Variants in LMF1 observed in about 807,000 individuals in gnomAD.
The protein encoded by LMF1 is lipase maturation factor 1.
In LMF1, 68 loss-of-function variants were observed where a neutral mutation model predicts 60.6. The ratio of observed to expected loss-of-function variants is 1.12; its 90% CI spans 0.92 to 1.37. The LOEUF (loss-of-function observed/expected upper bound fraction) is 1.37, where lower values mean the gene tolerates loss of function less well. LMF1 is among the 40% of genes most tolerant of loss of function. LMF1 has a pLI of 0.00. For synonymous variants in LMF1, 418 were observed against 324.7 expected, an observed-to-expected ratio of 1.29 and a Z score of -3.09; for missense variants, 948 against 767.2, an observed-to-expected ratio of 1.24 and a Z score of -2.78.
chr16:960,360 CAG>C (rs1333081924), intron 1 of LMF1, among the ~76,000 whole-genome samples: 2 of 104,450 alleles, frequency 1.9e-5, no homozygotes, highest in African/African-American at 4.2e-5. Flanking sequence ...GATCACGACC[CAG>C]ACACAGACTC....
At chr16:901,636 G>C (rs572070491) in intron 4 of LMF1, 1 of 152,276 alleles carries the variant, frequency 6.6e-6, no homozygotes, top group Non-Finnish European at 1.5e-5. Context: ...AAACCTGGCC[G>C]AAACACGGGG....
intron 10 of LMF1, among the ~76,000 whole-genome samples, chr16:864,455 A>C (rs980050394): frequency 3.3e-5 from 5 of 152,174 alleles, no homozygotes; most frequent in African/African-American, 9.7e-5. Flanking sequence ...TGACATATTC[A>C]ACACTGTATT....
chr16:864,971 A>G (rs2069572488), intron 10 of LMF1, among the ~76,000 whole-genome samples: 2 of 152,172 alleles, frequency 1.3e-5, no homozygotes, highest in African/African-American at 4.8e-5. Flanking sequence ...TTGAATATAC[A>G]GTCGGTCATT....
At chr16:866,239 ACTT>A (rs1219049233) in intron 10 of LMF1, among the ~76,000 whole-genome samples, 1 of 152,110 alleles carries the variant, frequency 6.6e-6, no homozygotes, top group Non-Finnish European at 1.5e-5. Context: ...GCTTTAGATG[ACTT>A]CTTCTGACCT....
intron 2 of LMF1, among the ~76,000 whole-genome samples, chr16:948,613 CAG>C (rs1241373316): frequency 6.7e-6 from 1 of 150,370 alleles, no homozygotes; most frequent in African/African-American, 2.4e-5. Flanking sequence ...AAGACAATGA[CAG>C]AGTCAGCCAA....
At chr16:944,385 T>C (rs1223854072) in intron 2 of LMF1, among the ~76,000 whole-genome samples, 1 of 152,240 alleles carries the variant, frequency 6.6e-6, no homozygotes, top group Non-Finnish European at 1.5e-5. Context: ...ATGTCTGTGT[T>C]AGCTCCTTTA....
intron 3 of LMF1, among the ~76,000 whole-genome samples, chr16:918,759 T>A (rs897921765): frequency 3.2e-5 from 3 of 92,406 alleles, no homozygotes; most frequent in African/African-American, 1.7e-4. Context: ...TTAACTTTGG[T>A]TCACTTGGAT....
intron 10 of LMF1, among the ~76,000 whole-genome samples, chr16:867,401 T>C (rs2069639640): frequency 6.6e-6 from 1 of 152,192 alleles, no homozygotes; most frequent in Admixed American, 6.5e-5. Flanking sequence ...CAAACCTTCC[T>C]CTGGGCCAGC....
At position 896,570 on chromosome 16, in the gene LMF1, G is replaced by A. The variant is rs187218813; in HGVS notation, c.664-3498C>T. Among the ~76,000 whole-genome samples, 251 of 152,278 alleles carry A rather than the reference G, an allele frequency of 1.6e-3. 3 individuals carry two copies. The highest frequency in any genetic ancestry group is 5.0e-3 in the African/African-American group (209 of 41,554). ...TCTGCAAACAGGCATGAAAACAGCC[G>A]AGGGTGTCCAGCTGACCGGGCGGAG... On this transcript the variant is annotated intron_variant, in intron 4 of 10. Transcript: ENST00000262301.
intron 2 of LMF1, among the ~76,000 whole-genome samples, chr16:939,439 C>T (rs544840651): frequency 1.1e-4 from 17 of 152,362 alleles, no homozygotes; most frequent in African/African-American, 4.1e-4. Flanking sequence ...GAACAACCAA[C>T]GTGCCGGCCG....
At chr16:885,253 G>T (rs1225126649) in intron 5 of LMF1, among the ~76,000 whole-genome samples, 1 of 152,094 alleles carries the variant, frequency 6.6e-6, no homozygotes, top group Non-Finnish European at 1.5e-5. Context: ...TTACAGCCAA[G>T]AAAGAAAATA....
intron 1 of LMF1, among the ~76,000 whole-genome samples, chr16:956,013 T>G (rs1414088232): frequency 7.5e-4 from 97 of 128,488 alleles, no homozygotes; most frequent in Non-Finnish European, 1.2e-3. Context: ...CCACGACGGC[T>G]CTCTCACATC....
At chr16:880,005 G>A (rs1002042215) in intron 5 of LMF1, among the ~76,000 whole-genome samples, 1 of 152,226 alleles carries the variant, frequency 6.6e-6, no homozygotes, top group African/African-American at 2.4e-5. Flanking sequence ...CCCAGCTGAA[G>A]GAGAGACGAC....
chr16:981,104 G>A (rs992615669), intron 1 of LMF1: 14 of 381,250 alleles, frequency 3.7e-5, no homozygotes, highest in Non-Finnish European at 6.9e-5. Flanking sequence ...GGCGGCCCGG[G>A]GTCCCCCAGC....
intron 2 of LMF1, 145 bp downstream of exon 2, chr16:954,212 C>G (rs1223582687): frequency 3.3e-6 from 3 of 898,670 alleles, no homozygotes; most frequent in Non-Finnish European, 5.3e-6. Flanking sequence ...GCCGCTCTGC[C>G]ATGGCCTAAG....
intron 3 of LMF1, 121 bp downstream of exon 3, chr16:934,123 A>G (rs1238133108): frequency 6.4e-7 from 1 of 1,572,786 alleles, no homozygotes; most frequent in Admixed American, 1.8e-5. Context: ...CTCCGTGCAT[A>G]CTGGGAAGGC....
chr16:914,065 GC>G (rs895601811), intron 3 of LMF1, among the ~76,000 whole-genome samples: 8 of 152,154 alleles, frequency 5.3e-5, no homozygotes, highest in African/African-American at 9.7e-5. Flanking sequence ...GGGCCGCGAG[GC>G]CTGGGCGGCT....
At chr16:886,053 G>C (rs1000167242) in intron 5 of LMF1, among the ~76,000 whole-genome samples, 3 of 152,216 alleles carry the variant, frequency 2.0e-5, no homozygotes, top group African/African-American at 7.2e-5. Context: ...AAGATATCTG[G>C]AAAATCCCCG....
At chr16:885,017 T>G (rs2070266589) in intron 5 of LMF1, 1 of 152,276 alleles carries the variant, frequency 6.6e-6, no homozygotes, top group African/African-American at 2.4e-5. Context: ...ATGAGGCTGT[T>G]CTTCCAATTG....
Sources: gnomAD v4.1 joint callset for allele counts (sites outside exome capture counted in the v4.1 genomes callset) on GRCh38, gnomAD v4.1.1 for gene constraint, MANE v1.5 for transcripts, NCBI Gene and HGNC (gene_info 2026-07-23, HGNC 2026-07-21) for gene names.